AGBL4: variants seen among roughly 807,000 people sequenced by gnomAD.
AGBL4 encodes cytosolic carboxypeptidase 6.
AGBL4 carries 58 observed loss-of-function variants against 66.4 expected under a neutral mutation model. That is an observed-to-expected ratio of 0.87 (90% CI 0.71 to 1.09). AGBL4 has a LOEUF of 1.09. Ranked by LOEUF, AGBL4 falls within the 50% of genes least tolerant of loss-of-function variation. AGBL4 has a pLI of 0.00. For missense variants in AGBL4, 579 were observed against 631.0 expected (o/e 0.92, Z 0.88); for synonymous variants, 234 against 222.9 (o/e 1.05, Z -0.44).
intron 1 of AGBL4, among the ~76,000 whole-genome samples, chr1:49,892,886 G>T (rs1648793469): frequency 6.6e-6 from 1 of 151,632 alleles, no homozygotes; most frequent in African/African-American, 2.4e-5. Flanking sequence ...ATTATTCATG[G>T]TAGTCTGCTA....
intron 2 of AGBL4, among the ~76,000 whole-genome samples, chr1:49,781,621 C>T (rs1371656570): frequency 1.3e-5 from 2 of 152,068 alleles, no homozygotes; most frequent in African/African-American, 4.8e-5. Context: ...GAAAACATAA[C>T]ACTATAAAGC....
Position 48,859,829 on chromosome 1 carries a change from C to A in AGBL4, c.634+7362G>T, listed in dbSNP as rs113605021. 1.5e-3 allele frequency among the ~76,000 whole-genome samples: 235 copies of A among 152,044 alleles called. 4 individuals are homozygous for A. Among genetic ancestry groups the A allele is most frequent in the African/African-American group, 5.5e-3 (228 of 41,460 alleles). ...TAAAGAAATAGTTAGAGATATAGACCAAAATTTTTATATAAGAATGCTCAC... is the reference window on the plus strand; with the variant it reads ...TAAAGAAATAGTTAGAGATATAGACAAAAATTTTTATATAAGAATGCTCAC... On this transcript the variant is annotated intron_variant, in intron 6 of 13. Coordinates refer to ENST00000371839, the MANE Select transcript of AGBL4 (RefSeq NM_032785.4).
intron 1 of AGBL4, among the ~76,000 whole-genome samples, chr1:49,984,376 C>G (rs1486138938): frequency 6.6e-6 from 1 of 152,194 alleles, no homozygotes; most frequent in African/African-American, 2.4e-5. Flanking sequence ...CTGAAAAGAC[C>G]TTTTGACATA....
chr1:48,816,314 C>T (rs139728407), intron 6 of AGBL4, among the ~76,000 whole-genome samples: 181 of 152,174 alleles, frequency 1.2e-3, no homozygotes, highest in African/African-American at 4.1e-3. Context: ...TGGGCAGATA[C>T]GATTTGAAGT....
chr1:49,590,922 G>C (rs1644739539), intron 3 of AGBL4, among the ~76,000 whole-genome samples: 2 of 151,952 alleles, frequency 1.3e-5, no homozygotes, highest in African/African-American at 4.8e-5. Context: ...ATGAGTCAAA[G>C]TGTAAATCAC....
intron 9 of AGBL4, among the ~76,000 whole-genome samples, chr1:48,595,894 A>G (rs1644987865): frequency 6.6e-6 from 1 of 152,220 alleles, no homozygotes; most frequent in African/African-American, 2.4e-5. Flanking sequence ...CAGTTCAGTG[A>G]AGGAAGGACC....
At chr1:49,153,102 T>C (rs1203800463) in intron 4 of AGBL4, among the ~76,000 whole-genome samples, 1 of 152,116 alleles carries the variant, frequency 6.6e-6, no homozygotes, top group Non-Finnish European at 1.5e-5. Flanking sequence ...GGGGCTTTGA[T>C]ACCACCTGGA....
chr1:49,553,768 T>C (rs1653164810), intron 3 of AGBL4, among the ~76,000 whole-genome samples: 1 of 152,202 alleles, frequency 6.6e-6, no homozygotes, highest in Non-Finnish European at 1.5e-5. Context: ...TGTATAATTA[T>C]TTTTGAAAAG....
At chr1:49,732,302 A>C (rs1649519108) in intron 2 of AGBL4, among the ~76,000 whole-genome samples, 1 of 152,246 alleles carries the variant, frequency 6.6e-6, no homozygotes. Context: ...AGGAAAATAA[A>C]AAAGGTCTAG....
intron 3 of AGBL4, among the ~76,000 whole-genome samples, chr1:49,556,659 G>A (rs1021493586): frequency 3.9e-5 from 6 of 152,174 alleles, no homozygotes; most frequent in Middle Eastern, 3.4e-3. Context: ...AGTGGATCCC[G>A]CGCAGGGGCC....
intron 4 of AGBL4, among the ~76,000 whole-genome samples, chr1:49,067,508 C>T (rs1644513059): frequency 6.6e-6 from 1 of 152,084 alleles, no homozygotes; most frequent in South Asian, 2.1e-4. Context: ...TATTCTATTG[C>T]CTTTCCATTT....
At chr1:48,840,132 G>A (rs1646765403) in intron 6 of AGBL4, among the ~76,000 whole-genome samples, 1 of 152,068 alleles carries the variant, frequency 6.6e-6, no homozygotes, top group South Asian at 2.1e-4. Flanking sequence ...ACACGTTCAC[G>A]CTACCTTCAG....
At chr1:49,432,331 TGGC>T (rs1375534700) in intron 3 of AGBL4, among the ~76,000 whole-genome samples, 1 of 152,168 alleles carries the variant, frequency 6.6e-6, no homozygotes, top group East Asian at 1.9e-4. Flanking sequence ...TGAGTTGGTC[TGGC>T]GATAATTTCC....
intron 6 of AGBL4, among the ~76,000 whole-genome samples, chr1:48,772,854 T>G (rs1311843284): frequency 3.3e-5 from 5 of 152,176 alleles, no homozygotes; most frequent in African/African-American, 4.8e-5. Context: ...AAGCCCACCT[T>G]GAATTGGTCC....
At chr1:49,587,368 C>T (rs982707400) in intron 3 of AGBL4, among the ~76,000 whole-genome samples, 3 of 151,802 alleles carry the variant, frequency 2.0e-5, no homozygotes, top group African/African-American at 7.3e-5. Context: ...AGTACCTAGC[C>T]CACCTAGTCC....
chr1:49,333,635 G>T (rs1226074373), intron 3 of AGBL4, among the ~76,000 whole-genome samples: 1 of 152,074 alleles, frequency 6.6e-6, no homozygotes, highest in Non-Finnish European at 1.5e-5. Flanking sequence ...ATAAATAAAA[G>T]GGCCATAAAT....
intron 3 of AGBL4, among the ~76,000 whole-genome samples, chr1:49,676,982 T>C (rs1464857041): frequency 6.6e-6 from 1 of 152,136 alleles, no homozygotes; most frequent in East Asian, 1.9e-4. Flanking sequence ...TACTGCTGTG[T>C]CTTTCACTAT....
chr1:48,784,642 G>A (rs1298684410), intron 6 of AGBL4, among the ~76,000 whole-genome samples: 3 of 152,236 alleles, frequency 2.0e-5, no homozygotes, highest in Middle Eastern at 3.4e-3. Context: ...GTGTAGAAGC[G>A]TTTACAGCAA....
the AGBL4 span, among the ~76,000 whole-genome samples, chr1:48,524,848 C>CTT: frequency 6.2e-5 from 9 of 144,400 alleles, no homozygotes; most frequent in East Asian, 2.0e-4. Flanking sequence ...CAGCTTTCTC[C>CTT]TTTTTTTTTT....
Sources: gnomAD v4.1 joint callset for allele counts (sites outside exome capture counted in the v4.1 genomes callset) on GRCh38, gnomAD v4.1.1 for gene constraint, MANE v1.5 for transcripts, NCBI Gene and HGNC (gene_info 2026-07-23, HGNC 2026-07-21) for gene names.